ST3GAL4: variants seen among roughly 807,000 people sequenced by gnomAD.
ST3GAL4 encodes the protein CMP-N-acetylneuraminate-beta-galactosamide-alpha-2,3-sialyltransferase 4.
Under a neutral mutation model 42.6 loss-of-function variants are expected in ST3GAL4, and 24 were observed. The observed-to-expected ratio is 0.56, with a 90% CI of 0.41 to 0.79. The LOEUF is 0.79. ST3GAL4 is among the 30% of genes least tolerant of loss of function. ST3GAL4 has a pLI of 0.00. For synonymous variants in ST3GAL4, 135 were observed against 163.2 expected, an observed-to-expected ratio of 0.83 and a Z score of 1.32; for missense variants, 311 against 430.8, an observed-to-expected ratio of 0.72 and a Z score of 2.46.
intron 1 of ST3GAL4, among the ~76,000 whole-genome samples, chr11:126,362,773 A>G (rs1275632941): frequency 6.6e-6 from 1 of 152,226 alleles, no homozygotes; most frequent in Non-Finnish European, 1.5e-5. Flanking sequence ...TTGGGGTAAG[A>G]GTATCTGCCA....
chr11:126,389,140 GCTGT>G (rs1953371186), intron 1 of ST3GAL4, among the ~76,000 whole-genome samples: 1 of 151,968 alleles, frequency 6.6e-6, no homozygotes, highest in Admixed American at 6.6e-5. Context: ...TCTTGCACTT[GCTGT>G]CTGTCTCACT....
Position 126,407,339 on chromosome 11 carries a change from C to T in ST3GAL4, c.270C>T (p.Thr90=). ...CTGCTTACGAGCTGCCCTATGGGACCAAGGGGAGTGGTAAGTTCCTACCCG... is the reference window on the plus strand; with the variant it reads ...CTGCTTACGAGCTGCCCTATGGGACTAAGGGGAGTGGTAAGTTCCTACCCG... ...TPSAYELPYG[T]KGSEDLLLRV... The change falls in exon 5 of 11, where the codon ACC becomes ACT. Residue 90 remains threonine, a synonymous_variant. Transcript: ENST00000444328. 1.2e-6 allele frequency: 2 copies of T among 1,614,094 alleles called. No individual in the cohort carries two copies. The highest frequency in any genetic ancestry group is 1.7e-6 in the Non-Finnish European group (2 of 1,179,954).
intron 10 of ST3GAL4, 114 bp from the exon 11 acceptor site, chr11:126,413,847 T>C: frequency 7.0e-7 from 1 of 1,424,598 alleles, no homozygotes; most frequent in Non-Finnish European, 9.7e-7. Flanking sequence ...AGAGCCAGCC[T>C]GGGGAAGGGA....
Position 126,373,173 on chromosome 11 carries a change from C to G in ST3GAL4, c.-61+17331C>G, listed in dbSNP as rs867221791. Among the ~76,000 whole-genome samples, 3 of 152,178 alleles carry G rather than the reference C, an allele frequency of 2.0e-5. No individual in the cohort carries two copies. Among genetic ancestry groups the G allele is most frequent in the Non-Finnish European group, 4.4e-5 (3 of 68,022 alleles). The stretch of plus-strand genomic sequence containing the variant: ...TCTGTTCTGGAGAGGGGGTGCTGCT[C>G]TGGAGAGGCGGTGCTGCTTTGGAGA... On this transcript the variant is annotated intron_variant, in intron 1 of 10. Coordinates refer to ENST00000444328, the MANE Select transcript of ST3GAL4 (RefSeq NM_001254757.2). The surrounding 1 kb of genome is among the most constrained non-coding windows in gnomAD (Gnocchi z 5.5).
At chr11:126,361,002 C>T (rs1952223950) in intron 1 of ST3GAL4, among the ~76,000 whole-genome samples, 1 of 152,302 alleles carries the variant, frequency 6.6e-6, no homozygotes, top group Middle Eastern at 3.4e-3. Context: ...CAGGCAGGAA[C>T]CCAGGTGAGG....
At chr11:126,358,303 AGACCCAC>A in intron 1 of ST3GAL4, 3 of 250,590 alleles carry the variant, frequency 1.2e-5, no homozygotes, top group South Asian at 9.6e-5. Context: ...TTCCTACTCA[AGACCCAC>A]GACCTTGACC....
Position 126,363,529 on chromosome 11 carries a change from G to C in ST3GAL4, c.-61+7687G>C, listed in dbSNP as rs1239186933. ...GCTCCAGCATTTTCGAACAAAAATG[G>C]CTCTTCCAGGAGTTGAGTTTGGCGA... On this transcript the variant is annotated intron_variant, in intron 1 of 10. Coordinates refer to ENST00000444328, the MANE Select transcript of ST3GAL4 (RefSeq NM_001254757.2). The surrounding 1 kb of genome is among the most constrained non-coding windows in gnomAD (Gnocchi z 4.6). Among the ~76,000 whole-genome samples the C allele has an allele frequency of 6.6e-6, 1 of 152,162 alleles. No individual in the cohort carries two copies. Among genetic ancestry groups the C allele is most frequent in the Non-Finnish European group, 1.5e-5 (1 of 68,034 alleles).
At chr11:126,372,723 A>T (rs560222061) in intron 1 of ST3GAL4, among the ~76,000 whole-genome samples, 15 of 151,984 alleles carry the variant, frequency 9.9e-5, no homozygotes, top group Non-Finnish European at 2.2e-4. Context: ...CCGTCTTTGG[A>T]TTTTATACAG....
rs139389745 is a variant in ST3GAL4 at position 126,404,478 on chromosome 11, GAGAC to G, written c.-60-1610_-60-1607del. 2.3e-3 allele frequency among the ~76,000 whole-genome samples: 355 copies of G among 152,332 alleles called. 2 individuals carry two copies. Among genetic ancestry groups the G allele is most frequent in the African/African-American group, 8.4e-3 (348 of 41,564 alleles). On this transcript the variant is annotated intron_variant, in intron 1 of 10. Coordinates refer to ENST00000444328, the MANE Select transcript of ST3GAL4 (RefSeq NM_001254757.2). ...TCACAGAGCTTATATCCCAACTGGG[GAGAC>G]AGACAGAAAGAAAACAAGTAACTAA...
chr11:126,388,767 C>CTTTTTTTT (rs10683946), intron 1 of ST3GAL4, among the ~76,000 whole-genome samples: 1 of 52,052 alleles, frequency 1.9e-5, no homozygotes, highest in Non-Finnish European at 3.2e-5. Context: ...TTTTCAGTGT[C>CTTTTTTTT]TTTTTTTTTT....
At chr11:126,381,116 C>T (rs1952985821) in intron 1 of ST3GAL4, among the ~76,000 whole-genome samples, 2 of 152,216 alleles carry the variant, frequency 1.3e-5, no homozygotes, top group South Asian at 4.1e-4. Flanking sequence ...CCAGAGCTGG[C>T]CTCTGTTGGC....
Position 126,386,305 on chromosome 11 carries a change from T to C in ST3GAL4, c.-60-19791T>C, listed in dbSNP as rs1591452292. Among the ~76,000 whole-genome samples the C allele has an allele frequency of 6.6e-6, 1 of 152,214 alleles. No individual in the cohort carries two copies. The highest frequency in any genetic ancestry group is 1.9e-4 in the East Asian group (1 of 5,160). On this transcript the variant is annotated intron_variant, in intron 1 of 10. Transcript: ENST00000444328. The surrounding 1 kb of genome is among the most constrained non-coding windows in gnomAD (Gnocchi z 4.7). ...CTGTGCCCCCCAAGGATGAATGCCA[T>C]GAGTCCAGCATGTCACCCTGTTTCT...
Position 126,388,765 on chromosome 11 carries a change from G to GTTT in ST3GAL4, c.-60-17330_-60-17329insTTT, listed in dbSNP as rs1565409813. Among the ~76,000 whole-genome samples, 4 of 13,618 alleles carry GTTT rather than the reference G, an allele frequency of 2.9e-4. 1 individual carries two copies. The highest frequency in any genetic ancestry group is 1.1e-3 in the African/African-American group (4 of 3,688). 8.9% of individuals were successfully genotyped at this position (13,618 alleles called of 152,430 possible). On this transcript the variant is annotated intron_variant, in intron 1 of 10. Coordinates refer to ENST00000444328, the MANE Select transcript of ST3GAL4 (RefSeq NM_001254757.2). ...TGCAAATGTACTTTAGTTTTTCAGT[G>GTTT]TCTTTTTTTTTTTTTTTTTTTTTGA...
In ST3GAL4 at chr11:126,398,911, C is replaced by T. The variant is rs1953888322; in HGVS notation, c.-60-7185C>T. On this transcript the variant is annotated intron_variant, in intron 1 of 10. Coordinates refer to ENST00000444328, the MANE Select transcript of ST3GAL4 (RefSeq NM_001254757.2). This position sits in a 1 kb window ranked among gnomAD's most constrained non-coding sequence, Gnocchi z 4.7. ...TGTGGGAGCAGAGACTTGAGGTGGC[C>T]CTGGACAGTGAGCCACAGGTCCTGA... Among the ~76,000 whole-genome samples, 2 of 152,098 alleles carry T rather than the reference C, an allele frequency of 1.3e-5. No individual in the cohort carries two copies. Among genetic ancestry groups the T allele is most frequent in the African/African-American group, 4.8e-5 (2 of 41,396 alleles).
rs550182248 is a variant in ST3GAL4, at chr11:126,394,950, T to G, written c.-60-11146T>G. ...TAAGGTCAGACAGCTTGAGAGATGT[T>G]TCCATCCTCCCATGCATGACCCTGA... On this transcript the variant is annotated intron_variant, in intron 1 of 10. Coordinates refer to ENST00000444328, the MANE Select transcript of ST3GAL4 (RefSeq NM_001254757.2). Among the ~76,000 whole-genome samples, 3 of 152,194 alleles carry G rather than the reference T, an allele frequency of 2.0e-5. No individual in the cohort carries two copies. The East Asian group carries it at 5.8e-4, about 30-fold the overall frequency.
chr11:126,407,993 C>T, intron 6 of ST3GAL4, 106 bp from the exon 7 acceptor site: 1 of 1,273,844 alleles, frequency 7.9e-7, no homozygotes, highest in Non-Finnish European at 1.1e-6. Context: ...GGACCAGGGG[C>T]TGAGGGGGCC....
rs367726173 is a variant in ST3GAL4 at position 126,407,146 on chromosome 11, A to G, written c.183-106A>G. On this transcript the variant is annotated intron_variant, in intron 4 of 10. Coordinates refer to ENST00000444328, the MANE Select transcript of ST3GAL4 (RefSeq NM_001254757.2). ...TGGTGGACATGGGTTAGGTGAAGCCAGGGAGGGAAGAGAAGGCCTTATAAT... is the reference window on the plus strand; with the variant it reads ...TGGTGGACATGGGTTAGGTGAAGCCGGGGAGGGAAGAGAAGGCCTTATAAT... 9 of 1,479,378 alleles carry G rather than the reference A, an allele frequency of 6.1e-6. No individual in the cohort carries two copies. The East Asian group carries it at 1.8e-4, about 30-fold the overall frequency. 91.6% of individuals were successfully genotyped at this position (1,479,378 alleles called of 1,614,324 possible). A position where few individuals can be genotyped will look rare whatever the true frequency, so the allele number is the denominator to read the frequency against.
intron 1 of ST3GAL4, among the ~76,000 whole-genome samples, chr11:126,367,196 T>G (rs1952462123): frequency 6.6e-6 from 1 of 151,706 alleles, no homozygotes; most frequent in Non-Finnish European, 1.5e-5. Context: ...CTCCAGGAGG[T>G]GCTACACCCA....
Position 126,373,939 on chromosome 11 carries a change from C to T in ST3GAL4, c.-61+18097C>T, listed in dbSNP as rs1952743517. The stretch of plus-strand genomic sequence containing the variant: ...TGACCTACTGTCACTGCCTCTTCCA[C>T]TCTGTTCCACCTGCACTGGAGCGAT... On this transcript the variant is annotated intron_variant, in intron 1 of 10. Coordinates refer to ENST00000444328, the MANE Select transcript of ST3GAL4 (RefSeq NM_001254757.2). This position sits in a 1 kb window ranked among gnomAD's most constrained non-coding sequence, Gnocchi z 5.5. Among the ~76,000 whole-genome samples, 1 of 152,194 alleles carries T rather than the reference C, an allele frequency of 6.6e-6. No individual in the cohort carries two copies. The highest frequency in any genetic ancestry group is 6.5e-5 in the Admixed American group (1 of 15,282).
Sources: allele counts gnomAD v4.1 joint callset (sites outside exome capture counted in the v4.1 genomes callset), GRCh38; gene constraint gnomAD v4.1.1; non-coding constraint Gnocchi (gnomAD v3.1); transcripts MANE v1.5; gene names NCBI Gene and HGNC (gene_info 2026-07-23, HGNC 2026-07-21).